The following LAMB2 variants were observed in gnomAD, a reference collection of about 807,000 sequenced individuals.
LAMB2 encodes the protein laminin subunit beta 2.
Under a neutral mutation model 202.7 loss-of-function variants are expected in LAMB2, and 119 were observed. The ratio of observed to expected loss-of-function variants is 0.59; its 90% CI spans 0.51 to 0.68. The LOEUF (loss-of-function observed/expected upper bound fraction) is 0.68, where lower values mean the gene tolerates loss of function less well. Among genes scored for constraint, LAMB2 ranks in the 30% least tolerant of loss-of-function variants. LAMB2 has a pLI of 0.00. For missense variants in LAMB2, 2,124 were observed against 2,410.6 expected (o/e 0.88, Z 2.49); for synonymous variants, 818 against 902.2 (o/e 0.91, Z 1.67).
chr3:49,124,665 C>G (rs902842451), intron 21 of LAMB2, 36 bp downstream of exon 21: 2 of 1,613,744 alleles, frequency 1.2e-6, no homozygotes, highest in Non-Finnish European at 1.7e-6. Context: ...GAAGCAGAAC[C>G]CCAATTCAGC....
chr3:49,122,097 G>C lies in LAMB2; in HGVS notation c.4782-12C>G. On this transcript the variant is annotated splice_polypyrimidine_tract_variant and intron_variant, in intron 28 of 31. Coordinates refer to ENST00000305544, the MANE Select transcript of LAMB2 (RefSeq NM_002292.4). The stretch of plus-strand genomic sequence containing the variant: ...CCTCAGCCCAGCTCCTGGGGAGAAG[G>C]GGGAATCAGAACCTGGAGGTATCAA... 1 of 1,613,386 alleles carries C rather than the reference G, an allele frequency of 6.2e-7. No homozygotes were observed. Among genetic ancestry groups the C allele is most frequent in the Non-Finnish European group, 8.5e-7 (1 of 1,180,040 alleles).
chr3:49,122,417 G>A, intron 27 of LAMB2, 47 bp from the exon 28 acceptor site: 1 of 1,567,648 alleles, frequency 6.4e-7, no homozygotes, highest in Non-Finnish European at 8.8e-7. Context: ...CTCCAGCATG[G>A]GCATGAGGAT....
In LAMB2 at chr3:49,122,080, CA is replaced by C; in HGVS notation, c.4786del (p.Trp1596GlyfsTer58). The stretch of plus-strand genomic sequence containing the variant: ...TGCCTTCTGTTTCTCATCCTCAGCC[CA>C]GCTCCTGGGGAGAAGGGGGAATCAG... Reference protein sequence around the residue: ...LLQDARRARSWAEDEKQKAET... With the variant: ...LLQDARRARSXAEDEKQKAET... On this transcript the variant is annotated frameshift_variant, in exon 29 of 32. Transcript: ENST00000305544. LOFTEE classifies it high-confidence loss of function. 1 of 1,613,470 alleles carries C rather than the reference CA, an allele frequency of 6.2e-7. No individual in the cohort carries two copies. Among genetic ancestry groups the C allele is most frequent in the Non-Finnish European group, 8.5e-7 (1 of 1,180,026 alleles).
intron 31 of LAMB2, 25 bp downstream of exon 31, chr3:49,121,408 G>A (rs1224557551): frequency 6.2e-7 from 1 of 1,614,086 alleles, no homozygotes; most frequent in Non-Finnish European, 8.5e-7. Context: ...CCGCAGTCTT[G>A]TGTCTCTGGT....
intron 16 of LAMB2, 76 bp from the exon 17 acceptor site, chr3:49,126,235 C>A (rs1472513471): frequency 3.7e-6 from 6 of 1,601,160 alleles, no homozygotes; most frequent in Non-Finnish European, 5.1e-6. Context: ...TGCCTTAGCA[C>A]TGCCACAAGC....
In LAMB2 at chr3:49,125,906, T is replaced by G; in HGVS notation, c.2345-16A>C. On this transcript the variant is annotated splice_polypyrimidine_tract_variant and intron_variant, in intron 17 of 31. Transcript: ENST00000305544. ...CACTGACATGCTGTGGGGAGGAGGG[T>G]TGGGCCAAGTCAGGCTGGGTCCCCA... The G allele has an allele frequency of 6.2e-7, 1 of 1,613,694 alleles. No homozygotes were observed. Among genetic ancestry groups the G allele is most frequent in the Non-Finnish European group, 8.5e-7 (1 of 1,179,910 alleles).
chr3:49,123,427 C>T lies in LAMB2; in HGVS notation c.3982+20G>A, dbSNP rs1241676376. 6.2e-7 allele frequency: 1 copy of T among 1,614,120 alleles called. No homozygotes were observed. The stretch of plus-strand genomic sequence containing the variant: ...TGAAGACTGACCCTGGTCCACCTGC[C>T]TAGTTGGCTAACAACTCACCCAGGA... On this transcript the variant is annotated intron_variant, in intron 25 of 31. Transcript: ENST00000305544.
chr3:49,129,369 C>G lies in LAMB2; in HGVS notation c.1519-45G>C. 6.6e-7 allele frequency: 1 copy of G among 1,518,286 alleles called. No individual in the cohort carries two copies. Among genetic ancestry groups the G allele is most frequent in the Non-Finnish European group, 9.1e-7 (1 of 1,099,936 alleles). The allele number at this position is 1,518,286 out of a possible 1,614,324, so 94.1% of individuals were successfully genotyped here. On this transcript the variant is annotated intron_variant, in intron 11 of 31. Transcript: ENST00000305544. The surrounding 1 kb of genome is among the most constrained non-coding windows in gnomAD (Gnocchi z 6.1). Reference sequence around the variant, plus strand: ...GGGGGCCAGAAACAGACCTCCAGACCCCATCACCACCCAGCAGGAAATCCC... The same window carrying G: ...GGGGGCCAGAAACAGACCTCCAGACGCCATCACCACCCAGCAGGAAATCCC...
intron 15 of LAMB2, among the ~76,000 whole-genome samples, chr3:49,127,062 T>A (rs949016900): frequency 2.0e-5 from 3 of 152,170 alleles, no homozygotes; most frequent in Non-Finnish European, 4.4e-5. Context: ...CTTGGCTCAC[T>A]GCAGCCTTGA....
At position 49,130,555 on chromosome 3, in the gene LAMB2, A is replaced by G; in HGVS notation, c.1037-136T>C. On this transcript the variant is annotated intron_variant, in intron 8 of 31. Transcript: ENST00000305544. This position sits in a 1 kb window ranked among gnomAD's most constrained non-coding sequence, Gnocchi z 5.0. ...TCAGGGACTTCAAGGCCTCAGCATC[A>G]TACTGGTTCCCTACCCAGAGCAGAC... The G allele has an allele frequency of 7.5e-7, 1 of 1,341,840 alleles. No individual in the cohort carries two copies. The highest frequency in any genetic ancestry group is 1.1e-6 in the Non-Finnish European group (1 of 942,788). The allele number at this position is 1,341,840 out of a possible 1,614,324, so 83.1% of individuals were successfully genotyped here.
chr3:49,124,340 GATAA>G, intron 22 of LAMB2, 51 bp downstream of exon 22: 8 of 1,612,946 alleles, frequency 5.0e-6, no homozygotes, highest in East Asian at 4.5e-5. Context: ...AAGCCCTGGA[GATAA>G]GACAGACACC....
chr3:49,129,136 C>A lies in LAMB2; in HGVS notation c.1615G>T (p.Gly539Cys), dbSNP rs1014266382. ...ALDPQCDEGT[G>C]QCHCRQHMVG... Reference sequence around the variant, plus strand: ...ATGTGCTGGCGGCAGTGGCATTGACCTGTGCCCTCATCACACCTGGAGGGA... The same window carrying A: ...ATGTGCTGGCGGCAGTGGCATTGACATGTGCCCTCATCACACCTGGAGGGA... Residue 539 changes from glycine (G) to cysteine (C), a missense_variant, in exon 13 of 32, where the codon GGT (glycine) becomes TGT (cysteine). Physicochemically the swap from Gly to Cys is radical, Grantham distance 159 (BLOSUM62 -3). Around this residue, in one of 3 missense-constraint regions of LAMB2, gnomAD observed 1,702 missense variants for 1,896.3 expected, o/e 0.90. Transcript: ENST00000305544. This position sits in a 1 kb window ranked among gnomAD's most constrained non-coding sequence, Gnocchi z 6.1. The A allele has an allele frequency of 1.2e-6, 2 of 1,614,078 alleles. No individual in the cohort carries two copies. Among genetic ancestry groups the A allele is most frequent in the Non-Finnish European group, 1.7e-6 (2 of 1,180,038 alleles).
chr3:49,125,544 G>C (rs966729121), intron 18 of LAMB2, 60 bp from the exon 19 acceptor site: 33 of 1,442,746 alleles, frequency 2.3e-5, no homozygotes, highest in East Asian at 2.2e-4. Flanking sequence ...GAGTGTGGGT[G>C]GGGGAGGGTC....
At chr3:49,128,122 A>T (rs911723001) in intron 15 of LAMB2, among the ~76,000 whole-genome samples, 1 of 151,968 alleles carries the variant, frequency 6.6e-6, no homozygotes, top group African/African-American at 2.4e-5. Context: ...CAGACCAGGC[A>T]CATCCCTGCT....
Position 49,126,349 on chromosome 3 carries a change from A to G in LAMB2, c.2151+16T>C. 1 of 1,614,162 alleles carries G rather than the reference A, an allele frequency of 6.2e-7. No homozygotes were observed. The highest frequency in any genetic ancestry group is 8.5e-7 in the Non-Finnish European group (1 of 1,180,028). On this transcript the variant is annotated intron_variant, in intron 16 of 31. Coordinates refer to ENST00000305544, the MANE Select transcript of LAMB2 (RefSeq NM_002292.4). ...CCTGCCATCTTGGTTGGTGTGGGCA[A>G]GAGGAGATTATTCACCGAGTCAATG...
Position 49,122,333 on chromosome 3 carries a change from G to A in LAMB2, c.4611C>T (p.Ala1537=), listed in dbSNP as rs1436757841. ...GADPDSIEMV[A]TRVLELSIPA... Reference sequence around the variant, plus strand: ...GGATGGAGAGCTCTAGCACCCGTGTGGCCACCATTTCAATGCTATCAGGAT... The same window carrying A: ...GGATGGAGAGCTCTAGCACCCGTGTAGCCACCATTTCAATGCTATCAGGAT... Residue 1537 remains alanine, a synonymous_variant, in exon 28 of 32, where the codon GCC becomes GCT. Coordinates refer to ENST00000305544, the MANE Select transcript of LAMB2 (RefSeq NM_002292.4). The A allele has an allele frequency of 6.2e-7, 1 of 1,613,282 alleles. No homozygotes were observed. The highest frequency in any genetic ancestry group is 8.5e-7 in the Non-Finnish European group (1 of 1,179,988).
chr3:49,130,925 A>G lies in LAMB2; in HGVS notation c.915+25T>C, dbSNP rs2045474079. ...CATGTCCGCCCCTGCCCCTAGCCCT[A>G]TCCCAACCGTCTGAAGCCCCTTACC... is the stretch of plus-strand genomic sequence containing the variant. On this transcript the variant is annotated intron_variant, in intron 7 of 31. Transcript: ENST00000305544. The surrounding 1 kb of genome is among the most constrained non-coding windows in gnomAD (Gnocchi z 5.0). 20 of 1,613,986 alleles carry G rather than the reference A, an allele frequency of 1.2e-5. No individual in the cohort carries two copies. The highest frequency in any genetic ancestry group is 1.4e-5 in the Non-Finnish European group (17 of 1,180,026).
At chr3:49,128,018 C>CAAAA (rs1156873652) in intron 15 of LAMB2, among the ~76,000 whole-genome samples, 60 of 32,780 alleles carry the variant, frequency 1.8e-3, no homozygotes, top group Non-Finnish European at 3.2e-3. Flanking sequence ...GACTCCGTCT[C>CAAAA]AAAAAAAAAA....
Position 49,129,070 on chromosome 3 carries a change from G to C in LAMB2, c.1681C>G (p.Arg561Gly), listed in dbSNP as rs748395355. The part of the protein sequence containing the change: ...RCEQVQPGYF[R>G]PFLDHLIWEA... ...CAAATTAGGTGGTCCAGGAAGGGCC[G>C]GAAGTAGCCAGGTTGCACCTGCTCA... Residue 561 changes from arginine to glycine, a missense_variant, in exon 13 of 32, where the codon CGG becomes GGG. Arg to Gly is a moderately radical substitution (Grantham distance 125, BLOSUM62 -2). Transcript: ENST00000305544. The surrounding 1 kb of genome is among the most constrained non-coding windows in gnomAD (Gnocchi z 6.1). The C allele has an allele frequency of 6.2e-7, 1 of 1,613,438 alleles. No homozygotes were observed. Among genetic ancestry groups the C allele is most frequent in the East Asian group, 2.2e-5 (1 of 44,876 alleles).
Sources: allele counts gnomAD v4.1 joint callset (sites outside exome capture counted in the v4.1 genomes callset), GRCh38; gene constraint gnomAD v4.1.1; regional missense constraint gnomAD v4.1.1; non-coding constraint Gnocchi (gnomAD v3.1); transcripts MANE v1.5; gene names NCBI Gene and HGNC (gene_info 2026-07-23, HGNC 2026-07-21).